SPON1: variants seen among roughly 807,000 people sequenced by gnomAD.
The protein encoded by SPON1 is spondin 1.
SPON1 carries 52 observed loss-of-function variants against 111.7 expected under a neutral mutation model. The observed-to-expected ratio is 0.47, with a 90% CI of 0.37 to 0.59. The LOEUF (loss-of-function observed/expected upper bound fraction) is 0.59, where lower values mean the gene tolerates loss of function less well. SPON1 is among the 20% of genes least tolerant of loss of function. SPON1 has a pLI of 0.00. For synonymous variants in SPON1, 410 were observed against 395.8 expected, an observed-to-expected ratio of 1.04 and a Z score of -0.43; for missense variants, 957 against 1,068.5, an observed-to-expected ratio of 0.90 and a Z score of 1.46.
At chr11:14,003,063 C>T (rs143638184) in intron 2 of SPON1, among the ~76,000 whole-genome samples, 29 of 152,256 alleles carry the variant, frequency 1.9e-4, no homozygotes, top group African/African-American at 6.5e-4. Flanking sequence ...CAATGGCCTC[C>T]GCGTTGTCCG....
chr11:14,225,641 T>G (rs1290830740), intron 6 of SPON1, among the ~76,000 whole-genome samples: 3 of 152,246 alleles, frequency 2.0e-5, no homozygotes, highest in African/African-American at 7.2e-5. Flanking sequence ...CCATCATTTA[T>G]ATTTCAGGAA....
chr11:14,052,354 G>T (rs1433043895), intron 3 of SPON1, among the ~76,000 whole-genome samples: 1 of 152,208 alleles, frequency 6.6e-6, no homozygotes, highest in Non-Finnish European at 1.5e-5. Context: ...ATGACTCCGT[G>T]TGTGATTTAG....
At chr11:13,986,705 T>C (rs1274583326) in intron 2 of SPON1, among the ~76,000 whole-genome samples, 1 of 152,022 alleles carries the variant, frequency 6.6e-6, no homozygotes, top group African/African-American at 2.4e-5. Context: ...TAATGTTATC[T>C]CTCCCCTAGC....
In SPON1 at chr11:13,985,433, A is replaced by G. The variant is rs1208849270; in HGVS notation, c.345+2480A>G. ...ATGATGAGGTAAGCATTATTATCCT[A>G]TTTTCCACAGAAGAGAAACTTGTGG... On this transcript the variant is annotated intron_variant, in intron 2 of 15. Transcript: ENST00000576479. Among the ~76,000 whole-genome samples the G allele has an allele frequency of 2.0e-4, 30 of 152,258 alleles. No homozygotes were observed. In the South Asian group the frequency reaches 5.4e-3, roughly 27 times the overall value.
Position 14,255,658 on chromosome 11 carries a change from A to C in SPON1, c.1104A>C (p.Lys368Asn), listed in dbSNP as rs1591428871. ...ATGTTTTCTTGCAGTCACCCAACAA[A>C]CCCACCATTCCCCAGGAGAAAATCC... ...DSGVTYESPN[K>N]PTIPQEKIRP... Residue 368 changes from lysine to asparagine, a missense_variant, in exon 9 of 16, where the codon AAA (lysine) becomes AAC (asparagine). Lys to Asn is a moderately conservative substitution (Grantham distance 94). Transcript: ENST00000576479. The C allele has an allele frequency of 1.9e-6, 3 of 1,613,506 alleles. No homozygotes were observed. Among genetic ancestry groups the C allele is most frequent in the South Asian group, 2.2e-5 (2 of 91,028 alleles).
intron 2 of SPON1, among the ~76,000 whole-genome samples, chr11:14,015,416 C>T (rs1193185792): frequency 6.6e-6 from 1 of 152,094 alleles, no homozygotes; most frequent in African/African-American, 2.4e-5. Context: ...GTCACTAATC[C>T]CATTTATGAG....
At chr11:14,049,044 C>T (rs1399300232) in intron 3 of SPON1, among the ~76,000 whole-genome samples, 2 of 152,214 alleles carry the variant, frequency 1.3e-5, no homozygotes, top group African/African-American at 4.8e-5. Context: ...ATCCTCATAG[C>T]AACCCTATGA....
At chr11:14,061,948 A>T (rs1848794372) in intron 3 of SPON1, among the ~76,000 whole-genome samples, 1 of 152,242 alleles carries the variant, frequency 6.6e-6, no homozygotes, top group Admixed American at 6.5e-5. Context: ...TCTTAATCAC[A>T]CACAAGTTGA....
chr11:14,147,571 C>G lies in SPON1; in HGVS notation c.825+12003C>G, dbSNP rs567386268. On this transcript the variant is annotated intron_variant, in intron 6 of 15. Transcript: ENST00000576479. The stretch of plus-strand genomic sequence containing the variant: ...TAGCTTGGATTACAGGCACCCACCA[C>G]CAGCCTGGCTAATTTTTATAGTTTT... Among the ~76,000 whole-genome samples the G allele has an allele frequency of 8.5e-5, 13 of 152,096 alleles. No individual in the cohort carries two copies. The South Asian group carries it at 2.7e-3, about 32-fold the overall frequency.
rs56265194 is a variant in SPON1, at chr11:14,240,589, T to TTGTGTGTGTGTGTG, written c.826-2709_826-2696dup. On this transcript the variant is annotated intron_variant, in intron 6 of 15. Coordinates refer to ENST00000576479, the MANE Select transcript of SPON1 (RefSeq NM_006108.4). The stretch of plus-strand genomic sequence containing the variant: ...TTGGCCAAAAGGCCAAGAAGCAATA[T>TTGTGTGTGTGTGTG]TGTGTGTGTGTGTGTGTGTGTGTGT... Among the ~76,000 whole-genome samples the TTGTGTGTGTGTGTG allele has an allele frequency of 6.6e-4, 93 of 140,340 alleles. 1 individual carries two copies. Among genetic ancestry groups the TTGTGTGTGTGTGTG allele is most frequent in the Middle Eastern group, 3.6e-3 (1 of 274 alleles). The allele number at this position is 140,340 out of a possible 152,430, so 92.1% of individuals were successfully genotyped here.
Position 14,260,664 on chromosome 11 carries a change from C to A in SPON1, c.1908C>A (p.Thr636=), listed in dbSNP as rs1779090589. 1.2e-6 allele frequency: 2 copies of A among 1,613,964 alleles called. No homozygotes were observed. The change falls in exon 14 of 16, where the codon ACC becomes ACA. Residue 636 remains threonine (T), a synonymous_variant. Transcript: ENST00000576479. ...CSVTCGKGMR[T]RQRMLKSLAE... is the part of the protein sequence containing the mutation. ...TGACCTGCGGGAAGGGCATGCGAAC[C>A]CGACAGCGGATGCTCAAGTCTCTGG...
chr11:14,153,060 T>C (rs1414216729), intron 6 of SPON1, among the ~76,000 whole-genome samples: 1 of 152,236 alleles, frequency 6.6e-6, no homozygotes, highest in Non-Finnish European at 1.5e-5. Flanking sequence ...GCAGGGCAGA[T>C]GTATGGCCTG....
intron 3 of SPON1, among the ~76,000 whole-genome samples, chr11:14,057,993 G>A (rs1848760426): frequency 6.6e-6 from 1 of 152,078 alleles, no homozygotes; most frequent in South Asian, 2.1e-4. Context: ...CTCCAGTCTG[G>A]GGGACAGAGT....
chr11:14,094,213 A>G (rs1554923660), intron 5 of SPON1, among the ~76,000 whole-genome samples: 1 of 143,422 alleles, frequency 7.0e-6, no homozygotes, highest in African/African-American at 2.8e-5. Context: ...CTCTGTCTCA[A>G]AAAAAAAAAA....
At position 14,196,194 on chromosome 11, in the gene SPON1, G is replaced by A. The variant is rs117180888; in HGVS notation, c.826-47138G>A. Among the ~76,000 whole-genome samples the A allele has an allele frequency of 7.3e-3, 1,105 of 152,272 alleles. 9 individuals carry two copies. The highest frequency in any genetic ancestry group is 0.011 in the Non-Finnish European group (772 of 68,022). On this transcript the variant is annotated intron_variant, in intron 6 of 15. Coordinates refer to ENST00000576479, the MANE Select transcript of SPON1 (RefSeq NM_006108.4). Reference sequence around the variant, plus strand: ...AGCTTCTCAGGGGGAGAGAAGATGGGGGTGGCTATAGCTCCCTTCTCCTGG... The same window carrying A: ...AGCTTCTCAGGGGGAGAGAAGATGGAGGTGGCTATAGCTCCCTTCTCCTGG...
chr11:14,120,664 A>G (rs1216645728), intron 5 of SPON1, among the ~76,000 whole-genome samples: 2 of 152,102 alleles, frequency 1.3e-5, no homozygotes, highest in Non-Finnish European at 2.9e-5. Flanking sequence ...ACCTTGTCCT[A>G]CCCTAATGGA....
intron 5 of SPON1, among the ~76,000 whole-genome samples, chr11:14,115,452 T>C (rs1191677180): frequency 6.6e-6 from 1 of 152,212 alleles, no homozygotes; most frequent in Non-Finnish European, 1.5e-5. Flanking sequence ...TTGACTTCTA[T>C]CATAGATTAA....
At chr11:14,166,305 C>T (rs543602855) in intron 6 of SPON1, among the ~76,000 whole-genome samples, 4 of 152,232 alleles carry the variant, frequency 2.6e-5, no homozygotes, top group South Asian at 2.1e-4. Flanking sequence ...AAATAGTTTC[C>T]GAATTCTGGA....
intron 5 of SPON1, among the ~76,000 whole-genome samples, chr11:14,085,451 G>A (rs898599138): frequency 6.6e-6 from 1 of 151,926 alleles, no homozygotes; most frequent in African/African-American, 2.4e-5. Context: ...AAAGATTAGA[G>A]GGTTGTAGAT....
Sources: allele counts gnomAD v4.1 joint callset (sites outside exome capture counted in the v4.1 genomes callset), GRCh38; gene constraint gnomAD v4.1.1; transcripts MANE v1.5; gene names NCBI Gene and HGNC (gene_info 2026-07-23, HGNC 2026-07-21).